PIP5K1A: variants seen among roughly 807,000 people sequenced by gnomAD.
The protein encoded by PIP5K1A is phosphatidylinositol 4-phosphate 5-kinase type-1 alpha.
Under a neutral mutation model 72.9 loss-of-function variants are expected in PIP5K1A, and 46 were observed. The ratio of observed to expected loss-of-function variants is 0.63; its 90% CI spans 0.50 to 0.81. The LOEUF (loss-of-function observed/expected upper bound fraction) is 0.81, where lower values mean the gene tolerates loss of function less well. Among genes scored for constraint, PIP5K1A ranks in the 30% least tolerant of loss-of-function variants. The pLI is 0.00. For synonymous variants in PIP5K1A, 228 were observed against 255.1 expected, an observed-to-expected ratio of 0.89 and a Z score of 1.01; for missense variants, 458 against 706.1, an observed-to-expected ratio of 0.65 and a Z score of 3.98.
At chr1:151,214,352 GT>G (rs1015098468) in intron 1 of PIP5K1A, among the ~76,000 whole-genome samples, 8 of 151,632 alleles carry the variant, frequency 5.3e-5, no homozygotes, top group African/African-American at 1.7e-4. Flanking sequence ...TTTTTGCTTT[GT>G]TTTTTTCTGT....
At chr1:151,206,219 T>C (rs1254959272) in intron 1 of PIP5K1A, among the ~76,000 whole-genome samples, 1 of 152,204 alleles carries the variant, frequency 6.6e-6, no homozygotes, top group Non-Finnish European at 1.5e-5. Context: ...GAAATTTCAG[T>C]CTGTTTATTT....
chr1:151,247,064 C>A, intron 15 of PIP5K1A, 99 bp downstream of exon 15: 1 of 594,528 alleles, frequency 1.7e-6, no homozygotes, highest in South Asian at 3.4e-5. Flanking sequence ...ATTAGAGGAT[C>A]TGGGTACCTC....
intron 8 of PIP5K1A, 40 bp downstream of exon 8, chr1:151,234,536 A>C (rs778176230): frequency 1.3e-6 from 2 of 1,520,090 alleles, no homozygotes; most frequent in South Asian, 2.2e-5. Flanking sequence ...TCAGTTACTA[A>C]AACAGCTTGA....
chr1:151,237,207 A>T (rs1160361923), intron 9 of PIP5K1A, among the ~76,000 whole-genome samples: 2 of 152,188 alleles, frequency 1.3e-5, no homozygotes, highest in African/African-American at 4.8e-5. Context: ...CAGTAACATT[A>T]TTGTTGACAG....
chr1:151,197,814 C>G (rs1183238936), upstream of PIP5K1A: 3 of 303,580 alleles, frequency 9.9e-6, no homozygotes, highest in African/African-American at 6.7e-5. Context: ...GTCTTCCCAC[C>G]AGGGTTCATA....
intron 4 of PIP5K1A, 132 bp downstream of exon 4, chr1:151,227,532 G>A (rs1460486524): frequency 1.6e-5 from 8 of 505,578 alleles, no homozygotes; most frequent in Non-Finnish European, 2.8e-5. Flanking sequence ...ACATAATACA[G>A]CTTAGACTTT....
intron 1 of PIP5K1A, among the ~76,000 whole-genome samples, chr1:151,212,402 A>G (rs1455102261): frequency 1.3e-5 from 2 of 152,188 alleles, no homozygotes; most frequent in Non-Finnish European, 2.9e-5. Context: ...AGTAGCAAGT[A>G]AATTTATGAA....
At chr1:151,214,600 C>T (rs886691589) in intron 1 of PIP5K1A, among the ~76,000 whole-genome samples, 7 of 152,050 alleles carry the variant, frequency 4.6e-5, no homozygotes, top group Admixed American at 2.0e-4. Flanking sequence ...AGGCTGGTCT[C>T]GAACTCCTGA....
Position 151,207,950 on chromosome 1 carries a change from C to T in PIP5K1A, c.85+8869C>T, listed in dbSNP as rs141349637. On this transcript the variant is annotated intron_variant, in intron 1 of 15. Transcript: ENST00000368888. ...TGCGATCTTGGCTCACTGCATCCTCCTCCTCCTGAGTTCAAGTGATTCCCC... is the reference window on the plus strand; with the variant it reads ...TGCGATCTTGGCTCACTGCATCCTCTTCCTCCTGAGTTCAAGTGATTCCCC... 5.0e-4 allele frequency among the ~76,000 whole-genome samples: 76 copies of T among 151,120 alleles called. 2 individuals are homozygous for T. The East Asian group carries it at 0.014, about 28-fold the overall frequency.
At chr1:151,234,930 A>G (rs1236404857) in intron 8 of PIP5K1A, among the ~76,000 whole-genome samples, 1 of 152,218 alleles carries the variant, frequency 6.6e-6, no homozygotes, top group East Asian at 1.9e-4. Flanking sequence ...GTTGCTCTCA[A>G]TAGGGATTTC....
intron 1 of PIP5K1A, chr1:151,216,140 A>C (rs1687568185): frequency 7.3e-5 from 32 of 436,558 alleles, no homozygotes; most frequent in South Asian, 5.4e-4. Context: ...CGAGGTCAGG[A>C]GATCGAGACC....
chr1:151,231,909 C>G, intron 5 of PIP5K1A, 108 bp downstream of exon 5: 2 of 1,008,314 alleles, frequency 2.0e-6, no homozygotes, highest in Non-Finnish European at 1.5e-6. Flanking sequence ...GTGTCCATTT[C>G]TTAACCTGGT....
intron 4 of PIP5K1A, among the ~76,000 whole-genome samples, chr1:151,231,117 G>T (rs975630867): frequency 8.0e-5 from 12 of 150,132 alleles, no homozygotes; most frequent in South Asian, 6.3e-4. Flanking sequence ...TGAGGCATGA[G>T]AATCGCTTGA....
At chr1:151,228,197 G>A (rs1015363140) in intron 4 of PIP5K1A, among the ~76,000 whole-genome samples, 1 of 151,970 alleles carries the variant, frequency 6.6e-6, no homozygotes, top group South Asian at 2.1e-4. Context: ...GATTGCAGTG[G>A]CATGATCATT....
intron 1 of PIP5K1A, among the ~76,000 whole-genome samples, chr1:151,222,637 C>A (rs1688536988): frequency 6.6e-6 from 1 of 152,120 alleles, no homozygotes; most frequent in African/African-American, 2.4e-5. Context: ...TCTGCCTGGT[C>A]TCTTCTAAAC....
At chr1:151,217,033 C>T (rs185843736) in intron 1 of PIP5K1A, among the ~76,000 whole-genome samples, 12 of 151,906 alleles carry the variant, frequency 7.9e-5, no homozygotes, top group Admixed American at 2.6e-4. Flanking sequence ...GTGCCTTAGC[C>T]TCCAGAGTAG....
rs1450784810 is a variant in PIP5K1A at position 151,234,639 on chromosome 1, A to T, written c.939+143A>T. 5 of 650,172 alleles carry T rather than the reference A, an allele frequency of 7.7e-6. No individual in the cohort carries two copies. In the Admixed American group the frequency reaches 1.1e-4, roughly 15 times the overall value. 40.3% of individuals were successfully genotyped at this position (650,172 alleles called of 1,614,324 possible). On this transcript the variant is annotated intron_variant, in intron 8 of 15. Transcript: ENST00000368888. ...ATTTAAAATAAGTCTTAATTAGTTC[A>T]TTGCCATTCCTTTACATTTTTACTT...
At chr1:151,197,588 G>A (rs2101753375), upstream of PIP5K1A, among the ~76,000 whole-genome samples, 1 of 152,306 alleles carries the variant, frequency 6.6e-6, no homozygotes, top group South Asian at 2.1e-4. Flanking sequence ...CACAAAACCT[G>A]TTTTAATGGA....
chr1:151,205,206 C>T (rs1685762214), intron 1 of PIP5K1A, among the ~76,000 whole-genome samples: 1 of 152,098 alleles, frequency 6.6e-6, no homozygotes, highest in South Asian at 2.1e-4. Flanking sequence ...TGCTCTGTCG[C>T]CCAGGCTACA....
Sources: gnomAD v4.1 joint callset for allele counts (sites outside exome capture counted in the v4.1 genomes callset) on GRCh38, gnomAD v4.1.1 for gene constraint, MANE v1.5 for transcripts, NCBI Gene and HGNC (gene_info 2026-07-23, HGNC 2026-07-21) for gene names.